The following TMEM135 variants were observed in gnomAD, a reference collection of about 807,000 sequenced individuals.
TMEM135 encodes the protein transmembrane protein 135, also known as peroxisomal membrane protein 52.
A neutral mutation model predicts 60.3 loss-of-function variants in TMEM135; 30 were observed. That is an observed-to-expected ratio of 0.50 (90% CI 0.37 to 0.68). The LOEUF (loss-of-function observed/expected upper bound fraction) is 0.68. TMEM135 is among the 30% of genes least tolerant of loss of function. The pLI is 0.00. For missense variants in TMEM135, 468 were observed against 548.8 expected (o/e 0.85, Z 1.47); for synonymous variants, 190 against 186.7 (o/e 1.02, Z -0.14).
chr11:87,246,565 T>C (rs1051654999), intron 6 of TMEM135, among the ~76,000 whole-genome samples: 1 of 152,124 alleles, frequency 6.6e-6, no homozygotes, highest in African/African-American at 2.4e-5. Flanking sequence ...GTGTTCTTTT[T>C]TCTCTAAACT....
At chr11:87,253,102 C>G (rs1486287019) in intron 6 of TMEM135, among the ~76,000 whole-genome samples, 1 of 108,958 alleles carries the variant, frequency 9.2e-6, no homozygotes, top group Middle Eastern at 4.5e-3. Flanking sequence ...TGTGATCTGA[C>G]TTTCTTTATT....
intron 3 of TMEM135, among the ~76,000 whole-genome samples, chr11:87,084,924 C>T (rs970657537): frequency 6.6e-6 from 1 of 152,178 alleles, no homozygotes; most frequent in African/African-American, 2.4e-5. Context: ...TTCTAATGGG[C>T]ACCTCCCCCT....
Position 87,306,017 on chromosome 11 carries a change from A to C in TMEM135, c.768+12A>C. ...CTTATTGCATTAAAGTAAGTATATG[A>C]AAGTATGTACTTTATTAACAGTAGG... On this transcript the variant is annotated intron_variant, in intron 9 of 14. Transcript: ENST00000305494. The C allele has an allele frequency of 6.5e-7, 1 of 1,534,068 alleles. No individual in the cohort carries two copies. Among genetic ancestry groups the C allele is most frequent in the Non-Finnish European group, 9.0e-7 (1 of 1,115,534 alleles).
At chr11:87,162,790 C>T (rs991054518) in intron 5 of TMEM135, among the ~76,000 whole-genome samples, 37 of 152,258 alleles carry the variant, frequency 2.4e-4, no homozygotes, top group East Asian at 5.8e-4. Context: ...CTTAAGGAAT[C>T]GCCACACTGT....
chr11:87,053,406 G>A lies in TMEM135; in HGVS notation c.142-14288G>A, dbSNP rs556696219. Among the ~76,000 whole-genome samples, 4 of 152,172 alleles carry A rather than the reference G, an allele frequency of 2.6e-5. No individual in the cohort carries two copies. In the East Asian group the frequency reaches 7.7e-4, roughly 29 times the overall value. On this transcript the variant is annotated intron_variant, in intron 1 of 14. Transcript: ENST00000305494. ...ATCTATCTGTATAAGCTTTGGAAGT[G>A]AAAAATGTGGTAAGACCTTGACAAT...
intron 4 of TMEM135, among the ~76,000 whole-genome samples, chr11:87,120,177 A>G (rs1858012853): frequency 7.0e-6 from 1 of 143,710 alleles, no homozygotes; most frequent in African/African-American, 2.6e-5. Context: ...CAGTGGTGCA[A>G]TCACAGCTCA....
At chr11:87,080,170 T>G (rs76612803) in intron 3 of TMEM135, among the ~76,000 whole-genome samples, 13 of 120,336 alleles carry the variant, frequency 1.1e-4, no homozygotes, top group South Asian at 2.5e-4. Context: ...TTTGCAGTGT[T>G]TTTTTTTTTT....
intron 5 of TMEM135, among the ~76,000 whole-genome samples, chr11:87,160,641 G>C (rs1264909413): frequency 6.6e-6 from 1 of 152,170 alleles, no homozygotes; most frequent in African/African-American, 2.4e-5. Context: ...TAGTTTGACA[G>C]TTGAAAAATA....
At chr11:87,239,877 T>C (rs1426659745) in intron 6 of TMEM135, among the ~76,000 whole-genome samples, 1 of 152,138 alleles carries the variant, frequency 6.6e-6, no homozygotes, top group African/African-American at 2.4e-5. Context: ...TTGAAAACTA[T>C]GTGAAAACTA....
At position 87,075,282 on chromosome 11, in the gene TMEM135, C is replaced by CTGGGA. The variant is rs555535356; in HGVS notation, c.362+3667_362+3668insTGGGA. ...CACGCCATTCTCTTGCCTCAGCCTGCCGAGTAGCTGGGACTATAGGTGCCC... is the reference window on the plus strand; with the variant it reads ...CACGCCATTCTCTTGCCTCAGCCTGCTGGGACGAGTAGCTGGGACTATAGGTGCCC... On this transcript the variant is annotated intron_variant, in intron 3 of 14. Transcript: ENST00000305494. Among the ~76,000 whole-genome samples, 246 of 152,128 alleles carry CTGGGA rather than the reference C, an allele frequency of 1.6e-3. 2 individuals are homozygous for CTGGGA. The highest frequency in any genetic ancestry group is 5.5e-3 in the African/African-American group (229 of 41,502).
chr11:87,069,771 T>C (rs577510208), intron 2 of TMEM135, among the ~76,000 whole-genome samples: 1 of 152,338 alleles, frequency 6.6e-6, no homozygotes, highest in East Asian at 1.9e-4. Flanking sequence ...GGATTTTATA[T>C]TGGAGTCTTC....
chr11:87,258,520 C>T (rs1320062352), intron 6 of TMEM135, among the ~76,000 whole-genome samples: 3 of 152,194 alleles, frequency 2.0e-5, no homozygotes, highest in Non-Finnish European at 4.4e-5. Context: ...GCACATCCCT[C>T]CCACTGGTGT....
chr11:87,265,150 C>A (rs1050793217), intron 6 of TMEM135, among the ~76,000 whole-genome samples: 21 of 151,826 alleles, frequency 1.4e-4, no homozygotes, highest in African/African-American at 4.8e-4. Flanking sequence ...AAATTTAGAG[C>A]TAGAACAAAT....
rs1942693915 is a variant in TMEM135, at chr11:87,314,565, G to T, written c.1077+18G>T. 3 of 1,600,084 alleles carry T rather than the reference G, an allele frequency of 1.9e-6. No homozygotes were observed. Among genetic ancestry groups the T allele is most frequent in the African/African-American group, 1.3e-5 (1 of 74,500 alleles). On this transcript the variant is annotated intron_variant, in intron 12 of 14. Coordinates refer to ENST00000305494, the MANE Select transcript of TMEM135 (RefSeq NM_022918.4). Reference sequence around the variant, plus strand: ...TGGTAGAGGTAAGCGAAATTTTTGTGCAAGAATAGTTCCAAAGAACATAAA... The same window carrying T: ...TGGTAGAGGTAAGCGAAATTTTTGTTCAAGAATAGTTCCAAAGAACATAAA...
intron 4 of TMEM135, among the ~76,000 whole-genome samples, chr11:87,146,045 T>C (rs1024129564): frequency 6.6e-6 from 1 of 152,242 alleles, no homozygotes; most frequent in Non-Finnish European, 1.5e-5. Flanking sequence ...TTTCTTTTAG[T>C]AGTTTTAGAG....
intron 1 of TMEM135, among the ~76,000 whole-genome samples, chr11:87,043,009 G>A (rs1949763903): frequency 1.3e-5 from 2 of 149,214 alleles, no homozygotes; most frequent in East Asian, 2.0e-4. Context: ...AGGCTGGAGT[G>A]CAGTGGTGTG....
intron 5 of TMEM135, among the ~76,000 whole-genome samples, chr11:87,202,002 T>TATGTA (rs1565484416): frequency 1.0e-5 from 1 of 95,876 alleles, no homozygotes; most frequent in Non-Finnish European, 2.2e-5. Context: ...TATGTTATGT[T>TATGTA]ATGTTATGTA....
chr11:87,317,962 G>T (rs1324828101), intron 12 of TMEM135, among the ~76,000 whole-genome samples, 175 bp from the exon 13 acceptor site: 1 of 152,154 alleles, frequency 6.6e-6, no homozygotes, highest in East Asian at 1.9e-4. Flanking sequence ...GAGCAAAACT[G>T]TGAGGGAAAG....
At chr11:87,294,115 A>G (rs916603620) in intron 6 of TMEM135, among the ~76,000 whole-genome samples, 5 of 152,084 alleles carry the variant, frequency 3.3e-5, no homozygotes, top group African/African-American at 4.8e-5. Context: ...ATGATCATTA[A>G]TGTTGAGCTT....
Sources: gnomAD v4.1 joint callset for allele counts (sites outside exome capture counted in the v4.1 genomes callset) on GRCh38, gnomAD v4.1.1 for gene constraint, MANE v1.5 for transcripts, NCBI Gene and HGNC (gene_info 2026-07-23, HGNC 2026-07-21) for gene names.